The following MGAT4C variants were observed in gnomAD, a reference collection of about 807,000 sequenced individuals.
The protein encoded by MGAT4C is MGAT4 family member C.
In MGAT4C, 19 loss-of-function variants were observed where a neutral mutation model predicts 40.1. The ratio of observed to expected loss-of-function variants is 0.47; its 90% CI spans 0.33 to 0.70. The LOEUF (loss-of-function observed/expected upper bound fraction) is 0.70. Among genes scored for constraint, MGAT4C ranks in the 30% least tolerant of loss-of-function variants. The probability of loss-of-function intolerance (pLI) is 0.02; values close to 1 mark genes in which losing one functional copy is unlikely to be tolerated. For synonymous variants in MGAT4C, 181 were observed against 187.1 expected (o/e 0.97, Z 0.27); for missense variants, 491 against 563.2 (o/e 0.87, Z 1.30).
chr12:86,828,181 G>T (rs1952844827), intron 1 of MGAT4C, among the ~76,000 whole-genome samples: 1 of 150,800 alleles, frequency 6.6e-6, no homozygotes, highest in South Asian at 2.1e-4. Context: ...ATTATTTGTA[G>T]ATTTTTGTCT....
At chr12:86,227,659 C>G (rs900650627) in intron 1 of MGAT4C, among the ~76,000 whole-genome samples, 1 of 151,896 alleles carries the variant, frequency 6.6e-6, no homozygotes, top group Non-Finnish European at 1.5e-5. Context: ...TCATTAGTAT[C>G]TGTCATGAGT....
At chr12:86,583,275 G>GT (rs1252771252) in intron 2 of MGAT4C, among the ~76,000 whole-genome samples, 1 of 151,268 alleles carries the variant, frequency 6.6e-6, no homozygotes, top group Admixed American at 6.6e-5. Context: ...ACTTTAAAAT[G>GT]TTTTTTGAGG....
chr12:85,995,113 T>G (rs538645082), intron 2 of MGAT4C, among the ~76,000 whole-genome samples: 1 of 152,156 alleles, frequency 6.6e-6, no homozygotes, highest in Non-Finnish European at 1.5e-5. Context: ...TTTCTAATAT[T>G]GGACAACAGG....
chr12:86,221,347 ACT>A (rs1950870267), intron 1 of MGAT4C, among the ~76,000 whole-genome samples: 1 of 152,058 alleles, frequency 6.6e-6, no homozygotes, highest in Non-Finnish European at 1.5e-5. Context: ...AAGTGGCCTC[ACT>A]CTGGTTAAAT....
chr12:86,268,207 C>T lies in MGAT4C; in HGVS notation c.-57+65858G>A, dbSNP rs796980127. Among the ~76,000 whole-genome samples the T allele has an allele frequency of 4.1e-4, 63 of 152,174 alleles. 1 individual carries two copies. Among genetic ancestry groups the T allele is most frequent in the African/African-American group, 1.3e-3 (53 of 41,536 alleles). ...TTATTGATCTCACCATCTCATTCAG[C>T]CTACAAATTTTACAGATGTGAAAAA... On this transcript the variant is annotated intron_variant, in intron 4 of 7. Coordinates refer to the MGAT4C transcript ENST00000548651.
chr12:86,799,481 C>A (rs1166677745), intron 1 of MGAT4C, among the ~76,000 whole-genome samples: 1 of 151,834 alleles, frequency 6.6e-6, no homozygotes, highest in Non-Finnish European at 1.5e-5. Flanking sequence ...CTTTCTATCT[C>A]ACAGCTGTTC....
At chr12:86,588,485 A>T (rs1484400554) in intron 2 of MGAT4C, among the ~76,000 whole-genome samples, 2 of 152,076 alleles carry the variant, frequency 1.3e-5, no homozygotes, top group African/African-American at 4.8e-5. Context: ...TCAACATTAG[A>T]CAGATCAACA....
chr12:86,107,769 T>C (rs1352915338), intron 1 of MGAT4C, among the ~76,000 whole-genome samples: 1 of 152,160 alleles, frequency 6.6e-6, no homozygotes, highest in African/African-American at 2.4e-5. Flanking sequence ...AATGAAGTCA[T>C]TGATGAAAAT....
intron 2 of MGAT4C, among the ~76,000 whole-genome samples, chr12:86,697,797 A>C (rs574935399): frequency 6.6e-6 from 1 of 152,244 alleles, no homozygotes; most frequent in South Asian, 2.1e-4. Context: ...TATTGTAATA[A>C]ATTTTAAAAA....
chr12:86,797,449 A>T (rs1353406320), intron 1 of MGAT4C, among the ~76,000 whole-genome samples: 1 of 151,864 alleles, frequency 6.6e-6, no homozygotes, highest in Non-Finnish European at 1.5e-5. Context: ...ACTATATATA[A>T]ACATATGAAA....
intron 1 of MGAT4C, among the ~76,000 whole-genome samples, chr12:86,754,577 G>A (rs955118672): frequency 6.6e-6 from 1 of 152,104 alleles, no homozygotes; most frequent in East Asian, 1.9e-4. Context: ...CTGCCACATG[G>A]ATTGCAGCCT....
chr12:86,270,178 G>A (rs942266619), intron 4 of MGAT4C, among the ~76,000 whole-genome samples: 2 of 151,814 alleles, frequency 1.3e-5, no homozygotes, highest in Non-Finnish European at 2.9e-5. Flanking sequence ...GAGATTCTCC[G>A]GCCTCAGCCT....
intron 1 of MGAT4C, among the ~76,000 whole-genome samples, chr12:86,083,647 C>T (rs758571069): frequency 2.6e-5 from 4 of 151,988 alleles, no homozygotes; most frequent in African/African-American, 4.8e-5. Context: ...TGGACTCATA[C>T]ACAGAGTGAA....
intron 2 of MGAT4C, among the ~76,000 whole-genome samples, chr12:86,696,156 G>C (rs570371308): frequency 5.2e-4 from 78 of 148,996 alleles, no homozygotes; most frequent in African/African-American, 1.9e-3. Context: ...AGGTTGCAGT[G>C]AGCCGAGATC....
At chr12:86,578,407 T>A (rs1960647527) in intron 2 of MGAT4C, among the ~76,000 whole-genome samples, 1 of 151,870 alleles carries the variant, frequency 6.6e-6, no homozygotes, top group Admixed American at 6.6e-5. Flanking sequence ...TTGGAAGTAT[T>A]TCCTTCTCTA....
intron 3 of MGAT4C, among the ~76,000 whole-genome samples, chr12:86,407,222 A>G (rs1164715760): frequency 6.6e-6 from 1 of 152,120 alleles, no homozygotes; most frequent in Non-Finnish European, 1.5e-5. Context: ...CATGGTTAAT[A>G]TTTATCATTT....
intron 2 of MGAT4C, among the ~76,000 whole-genome samples, chr12:86,664,494 G>T (rs1964053119): frequency 1.3e-5 from 2 of 152,148 alleles, no homozygotes; most frequent in Non-Finnish European, 2.9e-5. Context: ...TTCTGTAAAT[G>T]TGTGAATATA....
chr12:86,486,105 CA>C (rs1203399985), intron 2 of MGAT4C, among the ~76,000 whole-genome samples: 1 of 152,014 alleles, frequency 6.6e-6, no homozygotes, highest in East Asian at 1.9e-4. Flanking sequence ...CCCAGTACCA[CA>C]AAAACACAAA....
In MGAT4C at chr12:85,976,311, TATGAAA is replaced by T. The variant is rs1287661844; in HGVS notation, c.*2972_*2977del. 4 of 151,110 alleles carry T rather than the reference TATGAAA, an allele frequency of 2.6e-5. No individual in the cohort carries two copies. The highest frequency in any genetic ancestry group is 5.9e-5 in the Non-Finnish European group (4 of 67,244). The allele number at this position is 151,110 out of a possible 1,614,324, so 9.4% of individuals were successfully genotyped here. ...GCACAAAGTTATAGTTTTCAATGAA[TATGAAA>T]AAGTTCTTGCATTAACATATTTTAT... On this transcript the variant is annotated 3_prime_UTR_variant, in exon 5 of 5. Coordinates refer to ENST00000611864, the MANE Select transcript of MGAT4C (RefSeq NM_001351288.2).
Sources: gnomAD v4.1 joint callset for allele counts (sites outside exome capture counted in the v4.1 genomes callset) on GRCh38, gnomAD v4.1.1 for gene constraint, MANE v1.5 for transcripts, NCBI Gene and HGNC (gene_info 2026-07-23, HGNC 2026-07-21) for gene names.